The following LRRTM4 variants were observed in gnomAD, a reference collection of about 807,000 sequenced individuals.
LRRTM4 encodes the protein leucine-rich repeat transmembrane neuronal protein 4.
LRRTM4 carries 25 observed loss-of-function variants against 47.6 expected under a neutral mutation model. The observed-to-expected ratio is 0.53, with a 90% confidence interval of 0.38 to 0.73. The LOEUF is 0.73. LRRTM4 is among the 30% of genes least tolerant of loss of function. The pLI, the probability that LRRTM4 is intolerant of heterozygous loss-of-function variation, is 0.00. For missense variants in LRRTM4, 638 were observed against 713.4 expected (o/e 0.89, Z 1.20); for synonymous variants, 311 against 269.5 (o/e 1.15, Z -1.51).
chr2:76,931,543 T>C (rs1408475977), intron 3 of LRRTM4, among the ~76,000 whole-genome samples: 3 of 152,106 alleles, frequency 2.0e-5, no homozygotes, highest in Non-Finnish European at 2.9e-5. Flanking sequence ...CTCCACCACT[T>C]TCATCACTCA....
intron 3 of LRRTM4, among the ~76,000 whole-genome samples, chr2:76,833,689 T>A (rs1671422915): frequency 2.0e-5 from 3 of 152,006 alleles, no homozygotes; most frequent in Admixed American, 2.0e-4. Context: ...TACTTCATTA[T>A]GACTTCCTAA....
chr2:76,778,596 C>T (rs887936018), intron 3 of LRRTM4, among the ~76,000 whole-genome samples: 144 of 151,974 alleles, frequency 9.5e-4, no homozygotes, highest in African/African-American at 2.5e-3. Flanking sequence ...TCTGTGGGAT[C>T]GGTGGTGATA....
At chr2:76,890,733 GACA>G (rs1673225049) in intron 3 of LRRTM4, among the ~76,000 whole-genome samples, 1 of 151,032 alleles carries the variant, frequency 6.6e-6, no homozygotes, top group Non-Finnish European at 1.5e-5. Flanking sequence ...GAACATAACT[GACA>G]ACATCTACAC....
At chr2:77,506,931 T>C (rs553247215) in intron 3 of LRRTM4, among the ~76,000 whole-genome samples, 4 of 152,166 alleles carry the variant, frequency 2.6e-5, no homozygotes, top group Admixed American at 1.3e-4. Context: ...TATGCAATCA[T>C]ATACATACAG....
intron 3 of LRRTM4, among the ~76,000 whole-genome samples, chr2:76,910,377 G>A (rs896414757): frequency 6.6e-5 from 10 of 151,412 alleles, no homozygotes; most frequent in Non-Finnish European, 2.9e-5. Flanking sequence ...GGATAACATT[G>A]GGAGATATAC....
At chr2:76,777,074 C>T (rs765106417) in intron 3 of LRRTM4, among the ~76,000 whole-genome samples, 2,093 of 132,748 alleles carry the variant, frequency 0.016, 16 homozygotes, top group South Asian at 0.028. Flanking sequence ...GTTGTAGATA[C>T]GCGGCATTAT....
chr2:77,072,420 A>G (rs1340091175), intron 3 of LRRTM4, among the ~76,000 whole-genome samples: 1 of 152,184 alleles, frequency 6.6e-6, no homozygotes, highest in Non-Finnish European at 1.5e-5. Flanking sequence ...ACACATAAAT[A>G]TATTTTCTCT....
At chr2:77,064,411 T>G (rs1393670351) in intron 3 of LRRTM4, among the ~76,000 whole-genome samples, 3 of 152,188 alleles carry the variant, frequency 2.0e-5, no homozygotes, top group Non-Finnish European at 4.4e-5. Context: ...TAAGAAATGG[T>G]ATCTTAATAA....
intron 3 of LRRTM4, among the ~76,000 whole-genome samples, chr2:76,942,554 T>C (rs1293039877): frequency 1.3e-5 from 2 of 150,480 alleles, no homozygotes; most frequent in Non-Finnish European, 2.9e-5. Context: ...ATAGAAAATG[T>C]ATGAATTTTT....
At chr2:76,851,431 C>A (rs1415370375) in intron 3 of LRRTM4, among the ~76,000 whole-genome samples, 1 of 152,100 alleles carries the variant, frequency 6.6e-6, no homozygotes, top group African/African-American at 2.4e-5. Context: ...TCTCTTCATT[C>A]CTTAAAATTG....
rs145685770 is a variant in LRRTM4 at position 76,792,061 on chromosome 2, A to T, written c.1552-43145T>A. Among the ~76,000 whole-genome samples the T allele has an allele frequency of 2.3e-3, 357 of 152,300 alleles. 6 individuals carry two copies. Among genetic ancestry groups the T allele is most frequent in the African/African-American group, 8.2e-3 (342 of 41,572 alleles). ...TCAGCTCTTATTTATCTAAGCATGC[A>T]AACCTGGAGGCAGGCAGAATACTTA... On this transcript the variant is annotated intron_variant, in intron 3 of 3. Transcript: ENST00000409884.
chr2:76,903,019 C>A (rs1239095589), intron 3 of LRRTM4, among the ~76,000 whole-genome samples: 1 of 152,084 alleles, frequency 6.6e-6, no homozygotes, highest in African/African-American at 2.4e-5. Context: ...TCCACAATTT[C>A]TCAATTCATT....
intron 3 of LRRTM4, among the ~76,000 whole-genome samples, chr2:77,145,930 G>C (rs952431567): frequency 6.6e-6 from 1 of 151,990 alleles, no homozygotes; most frequent in African/African-American, 2.4e-5. Flanking sequence ...AAAAATTTAA[G>C]ATCAAAATTT....
chr2:77,411,910 G>T (rs1357550012), intron 3 of LRRTM4, among the ~76,000 whole-genome samples: 1 of 152,090 alleles, frequency 6.6e-6, no homozygotes, highest in Non-Finnish European at 1.5e-5. Flanking sequence ...AAGAACACTT[G>T]AACTACTGTC....
intron 3 of LRRTM4, among the ~76,000 whole-genome samples, chr2:76,992,860 T>C (rs1677059434): frequency 6.8e-6 from 1 of 146,798 alleles, no homozygotes; most frequent in Non-Finnish European, 1.5e-5. Flanking sequence ...ATCATATTAC[T>C]TGACTTCAAA....
In LRRTM4 at chr2:77,159,838, C is replaced by A. The variant is rs555270304; in HGVS notation, c.1551+358480G>T. Among the ~76,000 whole-genome samples the A allele has an allele frequency of 2.6e-5, 4 of 152,182 alleles. No individual in the cohort carries two copies. The South Asian group carries it at 8.3e-4, about 32-fold the overall frequency. ...AAAATGTTTCTGTATGGTAACAATC[C>A]TTCTTCCACCATTTGCTTTAGTTTT... On this transcript the variant is annotated intron_variant, in intron 3 of 3. Transcript: ENST00000409884.
intron 3 of LRRTM4, among the ~76,000 whole-genome samples, chr2:77,229,755 G>A (rs1674913376): frequency 1.3e-5 from 2 of 151,946 alleles, no homozygotes; most frequent in South Asian, 4.1e-4. Flanking sequence ...GTATACATGC[G>A]GCTCAGGTTT....
intron 3 of LRRTM4, among the ~76,000 whole-genome samples, chr2:76,892,347 T>C (rs531596408): frequency 2.6e-5 from 4 of 151,712 alleles, no homozygotes; most frequent in Non-Finnish European, 1.5e-5. Flanking sequence ...CTTATATGTG[T>C]TTAAACTCTC....
chr2:77,158,497 G>A lies in LRRTM4; in HGVS notation c.1551+359821C>T, dbSNP rs570569133. 5.5e-4 allele frequency among the ~76,000 whole-genome samples: 83 copies of A among 152,046 alleles called. 1 individual carries two copies. Among genetic ancestry groups the A allele is most frequent in the Admixed American group, 3.5e-3 (53 of 15,262 alleles). On this transcript the variant is annotated intron_variant, in intron 3 of 3. Coordinates refer to ENST00000409884, the MANE Select transcript of LRRTM4 (RefSeq NM_001134745.3). Reference sequence around the variant, plus strand: ...TGTATCAAACAGTGACAGCACTTGTGTTTTGTTATGTATTTCATGGGCACT... The same window carrying A: ...TGTATCAAACAGTGACAGCACTTGTATTTTGTTATGTATTTCATGGGCACT...
Sources: allele counts gnomAD v4.1 joint callset (sites outside exome capture counted in the v4.1 genomes callset), GRCh38; gene constraint gnomAD v4.1.1; transcripts MANE v1.5; gene names NCBI Gene and HGNC (gene_info 2026-07-23, HGNC 2026-07-21).